KTN1: variants seen among roughly 807,000 people sequenced by gnomAD.
KTN1 encodes kinectin 1.
A neutral mutation model predicts 222.5 loss-of-function variants in KTN1; 130 were observed. That is an observed-to-expected ratio of 0.58 (90% CI 0.51 to 0.68). KTN1 has a LOEUF of 0.68. KTN1 is among the 30% of genes least tolerant of loss of function. The probability of loss-of-function intolerance (pLI) is 0.00; values close to 1 mark genes in which losing one functional copy is unlikely to be tolerated. For synonymous variants in KTN1, 512 were observed against 496.3 expected (o/e 1.03, Z -0.42); for missense variants, 1,508 against 1,500.4 (o/e 1.01, Z -0.08).
chr14:55,606,387 A>G (rs574586476), intron 1 of KTN1, among the ~76,000 whole-genome samples: 2 of 152,140 alleles, frequency 1.3e-5, no homozygotes, highest in Non-Finnish European at 2.9e-5. Context: ...TTTGTGGTGG[A>G]AAAAGATTTT....
At chr14:55,616,684 T>G (rs1346921603) in intron 3 of KTN1, 30 bp downstream of exon 3, 2 of 1,554,350 alleles carry the variant, frequency 1.3e-6, no homozygotes. Context: ...ATTTTTATAA[T>G]GCTAATTCTA....
At chr14:55,613,816 A>G (rs766215058) in intron 2 of KTN1, among the ~76,000 whole-genome samples, 3 of 152,298 alleles carry the variant, frequency 2.0e-5, no homozygotes, top group African/African-American at 4.8e-5. Flanking sequence ...GGATCAAGGC[A>G]TAGTAAGAAC....
chr14:55,605,925 C>T (rs77315200), intron 1 of KTN1, among the ~76,000 whole-genome samples: 22 of 151,920 alleles, frequency 1.4e-4, no homozygotes, highest in Admixed American at 1.4e-3. Context: ...TACCATAAAT[C>T]ATTTTTCTTA....
At chr14:55,581,033 C>A (rs1420805219) in intron 1 of KTN1, among the ~76,000 whole-genome samples, 1 of 152,268 alleles carries the variant, frequency 6.6e-6, no homozygotes, top group East Asian at 1.9e-4. Flanking sequence ...GCGAAGTTAT[C>A]CCTTCCTGTC....
At chr14:55,591,555 T>TCTTGCATTTC (rs2034120365) in intron 1 of KTN1, among the ~76,000 whole-genome samples, 1 of 151,860 alleles carries the variant, frequency 6.6e-6, no homozygotes, top group Non-Finnish European at 1.5e-5. Flanking sequence ...ACATTGTATG[T>TCTTGCATTTC]CTTGCATTTC....
intron 43 of KTN1, chr14:55,680,722 C>A: frequency 7.3e-7 from 1 of 1,365,722 alleles, no homozygotes; most frequent in Non-Finnish European, 9.8e-7. Context: ...CACATGCTCT[C>A]CTTCAAAATG....
chr14:55,605,822 G>A (rs181011218), intron 1 of KTN1, among the ~76,000 whole-genome samples: 1 of 152,196 alleles, frequency 6.6e-6, no homozygotes, highest in East Asian at 1.9e-4. Context: ...TTTAGCAGGA[G>A]GAGTTCATTG....
rs1165515316 is a variant in KTN1, at chr14:55,618,057, T to C, written c.755T>C (p.Ile252Thr). The stretch of plus-strand genomic sequence containing the variant: ...CCTGTGGTAGATAAGAGAGAGGTTA[T>C]TGATTTGCTTAAACCTGACCAAGTA... ...SSPVVDKREV[I>T]DLLKPDQVEG... The change falls in exon 4 of 44, where the codon ATT becomes ACT. Residue 252 changes from isoleucine to threonine, a missense_variant. Coordinates refer to ENST00000395314, the MANE Select transcript of KTN1 (RefSeq NM_001079521.2). 1 of 1,613,110 alleles carries C rather than the reference T, an allele frequency of 6.2e-7. No homozygotes were observed.
At chr14:55,614,002 T>C (rs1431180152) in intron 2 of KTN1, among the ~76,000 whole-genome samples, 1 of 152,148 alleles carries the variant, frequency 6.6e-6, no homozygotes, top group Non-Finnish European at 1.5e-5. Flanking sequence ...ATCAAGCAGA[T>C]AGTGGGGTCT....
intron 1 of KTN1, among the ~76,000 whole-genome samples, chr14:55,609,390 TA>T (rs755719100): frequency 2.2e-4 from 33 of 152,164 alleles, no homozygotes; most frequent in Non-Finnish European, 4.3e-4. Flanking sequence ...GGTGTCTAGT[TA>T]GGTTCCTCTA....
chr14:55,676,414 G>T (rs12893162), intron 41 of KTN1, among the ~76,000 whole-genome samples: 1 of 151,738 alleles, frequency 6.6e-6, no homozygotes, highest in Admixed American at 6.6e-5. Context: ...CAGGTTATTT[G>T]TAATTCTGTT....
chr14:55,671,952 T>C, intron 37 of KTN1, 75 bp downstream of exon 37: 6 of 858,610 alleles, frequency 7.0e-6, no homozygotes, highest in Non-Finnish European at 1.2e-5. Flanking sequence ...AGCATCACCA[T>C]GCACATTCTT....
intron 33 of KTN1, 152 bp from the exon 34 acceptor site, chr14:55,667,089 A>G (rs2044852170): frequency 1.8e-6 from 1 of 545,768 alleles, no homozygotes; most frequent in African/African-American, 2.0e-5. Flanking sequence ...TTAATATCTT[A>G]AAGTGGGAAA....
chr14:55,611,316 A>G (rs945832363), intron 1 of KTN1, among the ~76,000 whole-genome samples: 3 of 135,492 alleles, frequency 2.2e-5, no homozygotes, highest in Non-Finnish European at 3.0e-5. Flanking sequence ...TGCCCAGGGT[A>G]GACTGGAACT....
intron 29 of KTN1, among the ~76,000 whole-genome samples, chr14:55,657,577 G>C (rs2043635930): frequency 6.6e-6 from 1 of 151,916 alleles, no homozygotes; most frequent in African/African-American, 2.4e-5. Flanking sequence ...AATTTCTAGA[G>C]TTTTAAGTCT....
At chr14:55,657,838 C>A (rs934196338) in intron 29 of KTN1, among the ~76,000 whole-genome samples, 1 of 151,916 alleles carries the variant, frequency 6.6e-6, no homozygotes, top group Non-Finnish European at 1.5e-5. Context: ...CACTTGAACC[C>A]GGGAGGCAGA....
At chr14:55,592,937 TG>T (rs2034388955) in intron 1 of KTN1, among the ~76,000 whole-genome samples, 5 of 152,242 alleles carry the variant, frequency 3.3e-5, no homozygotes, top group Admixed American at 2.0e-4. Context: ...TTGCTAGACC[TG>T]TCTTGGAGGC....
intron 7 of KTN1, among the ~76,000 whole-genome samples, chr14:55,630,490 C>T (rs1045224870): frequency 2.0e-5 from 3 of 152,184 alleles, no homozygotes; most frequent in Non-Finnish European, 2.9e-5. Context: ...CTTAGTCCAT[C>T]TCTGGAGGTG....
chr14:55,675,765 C>T, intron 40 of KTN1, 70 bp from the exon 41 acceptor site: 1 of 1,012,214 alleles, frequency 9.9e-7, no homozygotes, highest in Non-Finnish European at 1.6e-6. Context: ...ATTCTTCAGT[C>T]CTAGAGGTAT....
Sources: gnomAD v4.1 joint callset for allele counts (sites outside exome capture counted in the v4.1 genomes callset) on GRCh38, gnomAD v4.1.1 for gene constraint, MANE v1.5 for transcripts, NCBI Gene and HGNC (gene_info 2026-07-23, HGNC 2026-07-21) for gene names.